The following CSGALNACT1 variants were observed in gnomAD, a reference collection of about 807,000 sequenced individuals.
CSGALNACT1 encodes chondroitin sulfate N-acetylgalactosaminyltransferase 1.
In CSGALNACT1, 52 loss-of-function variants were observed where a neutral mutation model predicts 51.0. The observed-to-expected ratio is 1.02, with a 90% CI of 0.82 to 1.29. CSGALNACT1 has a LOEUF of 1.29. CSGALNACT1 is among the 50% of genes most tolerant of loss of function. The pLI, the probability that CSGALNACT1 is intolerant of heterozygous loss-of-function variation, is 0.00. For missense variants in CSGALNACT1, 935 were observed against 679.2 expected, an observed-to-expected ratio of 1.38 and a Z score of -4.19; for synonymous variants, 341 against 254.4, an observed-to-expected ratio of 1.34 and a Z score of -3.24.
intron 1 of CSGALNACT1, among the ~76,000 whole-genome samples, chr8:19,737,400 G>T (rs1347080414): frequency 6.6e-5 from 10 of 152,140 alleles, no homozygotes; most frequent in Non-Finnish European, 7.4e-5. Context: ...TTACAAGATA[G>T]ATAAGGCAAA....
At position 19,705,593 on chromosome 8, in the gene CSGALNACT1, C is replaced by T. The variant is rs1564451154; in HGVS notation, c.-297+52257G>A. Among the ~76,000 whole-genome samples, 16 of 152,044 alleles carry T rather than the reference C, an allele frequency of 1.1e-4. No homozygotes were observed. The South Asian group carries it at 3.3e-3, about 32-fold the overall frequency. ...TCTACAAAAAATACAAAAAATTAGC[C>T]GGGCATGGTGGTGCATGCCCATAGT... is the stretch of plus-strand genomic sequence containing the variant. On this transcript the variant is annotated intron_variant, in intron 1 of 1. Transcript: ENST00000517494.
intron 4 of CSGALNACT1, among the ~76,000 whole-genome samples, chr8:19,466,290 G>T (rs2066651636): frequency 6.6e-6 from 1 of 152,174 alleles, no homozygotes; most frequent in Non-Finnish European, 1.5e-5. Flanking sequence ...TTAATTATCA[G>T]TGTCTGAAAT....
intron 1 of CSGALNACT1, among the ~76,000 whole-genome samples, chr8:19,671,976 T>C (rs1269798765): frequency 1.3e-5 from 2 of 152,246 alleles, no homozygotes; most frequent in Non-Finnish European, 2.9e-5. Flanking sequence ...GGCAGTTAGA[T>C]GTTTTTTAAA....
chr8:19,588,934 G>A (rs1431000977), intron 3 of CSGALNACT1, among the ~76,000 whole-genome samples: 1 of 152,152 alleles, frequency 6.6e-6, no homozygotes, highest in Non-Finnish European at 1.5e-5. Flanking sequence ...GTAGTTGAGG[G>A]GTGTTTGAAA....
At chr8:19,629,652 A>G (rs1378683145) in intron 1 of CSGALNACT1, among the ~76,000 whole-genome samples, 1 of 152,204 alleles carries the variant, frequency 6.6e-6, no homozygotes, top group Non-Finnish European at 1.5e-5. Flanking sequence ...AATGGCATAA[A>G]ACTGCATCAA....
intron 4 of CSGALNACT1, among the ~76,000 whole-genome samples, chr8:19,483,587 G>T (rs1162152487): frequency 6.6e-6 from 1 of 152,114 alleles, no homozygotes; most frequent in Non-Finnish European, 1.5e-5. Flanking sequence ...TCTTCCTCCA[G>T]GGATCAATCC....
chr8:19,554,326 C>T (rs207468985), intron 3 of CSGALNACT1, among the ~76,000 whole-genome samples: 2 of 152,098 alleles, frequency 1.3e-5, no homozygotes, highest in African/African-American at 2.4e-5. Context: ...CTTATCAAAT[C>T]GGTGTTATCA....
In CSGALNACT1 at chr8:19,458,522, T is replaced by C; in HGVS notation, c.755A>G (p.Lys252Arg). 1 of 1,614,220 alleles carries C rather than the reference T, an allele frequency of 6.2e-7. No individual in the cohort carries two copies. Among genetic ancestry groups the C allele is most frequent in the African/African-American group, 1.3e-5 (1 of 75,058 alleles). Residue 252 changes from lysine to arginine, a missense_variant, in exon 5 of 10, where the codon AAA becomes AGA. Lys to Arg is a conservative substitution (Grantham distance 26). Transcript: ENST00000454498. ...GTTGGCCATGTTGAGCTTTTCATTT[T>C]TCACTTTCATGATGGGGCCGAATGG...
chr8:19,407,906 TGTGTGTGTG>T lies in CSGALNACT1; in HGVS notation c.1309+698_1309+706del, dbSNP rs1306827738. Among the ~76,000 whole-genome samples the T allele has an allele frequency of 5.6e-3, 255 of 45,614 alleles. 1 individual carries two copies. The highest frequency in any genetic ancestry group is 0.025 in the African/African-American group (247 of 10,022). 29.9% of individuals were successfully genotyped at this position (45,614 alleles called of 152,430 possible). A position where few individuals can be genotyped will look rare whatever the true frequency, so the allele number is the denominator to read the frequency against. ...CATGTGGACATTTGTGTATATGAAT[TGTGTGTGTG>T]TGTGTGTGTGTGTGTGTGTGTGTGT... On this transcript the variant is annotated intron_variant, in intron 9 of 9. Transcript: ENST00000454498.
chr8:19,617,094 A>C (rs1181375645), intron 1 of CSGALNACT1, among the ~76,000 whole-genome samples: 1 of 152,224 alleles, frequency 6.6e-6, no homozygotes, highest in Non-Finnish European at 1.5e-5. Flanking sequence ...GATGAGAGAC[A>C]ATGACAGATC....
intron 2 of CSGALNACT1, among the ~76,000 whole-genome samples, chr8:19,601,240 C>G (rs984762107): frequency 6.6e-6 from 1 of 152,208 alleles, no homozygotes; most frequent in Non-Finnish European, 1.5e-5. Flanking sequence ...GCACTATTCT[C>G]AAAGAGCTCT....
At chr8:19,528,632 C>T (rs62493886) in intron 3 of CSGALNACT1, among the ~76,000 whole-genome samples, 22,532 of 152,082 alleles carry the variant, frequency 0.15, 1,756 homozygotes, top group Middle Eastern at 0.2. Flanking sequence ...TCTCTCCTTC[C>T]TTAAACCCAC....
chr8:19,652,335 G>C (rs10086135), intron 1 of CSGALNACT1, among the ~76,000 whole-genome samples: 1 of 152,120 alleles, frequency 6.6e-6, no homozygotes, highest in African/African-American at 2.4e-5. Context: ...TGGTGACCAA[G>C]ATCAAGGAGG....
rs185072083 is a variant in CSGALNACT1, at chr8:19,638,695, C to T, written c.-543-36830G>A. Among the ~76,000 whole-genome samples, 412 of 152,082 alleles carry T rather than the reference C, an allele frequency of 2.7e-3. 1 individual carries two copies. Among genetic ancestry groups the T allele is most frequent in the African/African-American group, 8.9e-3 (369 of 41,492 alleles). ...AGTGATCATATAAGTGAGAACAGAA[C>T]GGGAATAGAATCCTGTTCTATAGTC... is the stretch of plus-strand genomic sequence containing the variant. On this transcript the variant is annotated intron_variant, in intron 1 of 9. Coordinates refer to the CSGALNACT1 transcript ENST00000332246.
intron 1 of CSGALNACT1, among the ~76,000 whole-genome samples, chr8:19,736,120 C>T (rs1047403860): frequency 5.3e-5 from 8 of 152,178 alleles, no homozygotes; most frequent in Non-Finnish European, 7.4e-5. Flanking sequence ...CAACAGCCAT[C>T]TCTTCTTGTC....
At chr8:19,754,114 G>A (rs954988404) in intron 1 of CSGALNACT1, among the ~76,000 whole-genome samples, 10 of 151,730 alleles carry the variant, frequency 6.6e-5, no homozygotes, top group African/African-American at 2.2e-4. Context: ...TGCAACCTCC[G>A]CCTCCCTGGT....
At chr8:19,634,980 T>C (rs1352042484) in intron 1 of CSGALNACT1, among the ~76,000 whole-genome samples, 1 of 152,272 alleles carries the variant, frequency 6.6e-6, no homozygotes, top group Non-Finnish European at 1.5e-5. Flanking sequence ...GTCAGGACTC[T>C]GTCATATCGA....
At chr8:19,488,704 G>T (rs993984011) in intron 4 of CSGALNACT1, among the ~76,000 whole-genome samples, 2 of 152,056 alleles carry the variant, frequency 1.3e-5, no homozygotes, top group African/African-American at 4.8e-5. Context: ...GCCAGGCACT[G>T]CTATAATGAC....
chr8:19,602,945 A>C (rs1588956624), upstream of CSGALNACT1, among the ~76,000 whole-genome samples: 1 of 151,398 alleles, frequency 6.6e-6, no homozygotes, highest in East Asian at 1.9e-4. Context: ...ATAACAGCAA[A>C]TATCCATCTA....
Sources: gnomAD v4.1 joint callset for allele counts (sites outside exome capture counted in the v4.1 genomes callset) on GRCh38, gnomAD v4.1.1 for gene constraint, MANE v1.5 for transcripts, NCBI Gene and HGNC (gene_info 2026-07-23, HGNC 2026-07-21) for gene names.